The following CLIP1 variants were observed in gnomAD, a reference collection of about 807,000 sequenced individuals.
CLIP1 encodes CAP-Gly domain-containing linker protein 1.
In CLIP1, 66 loss-of-function variants were observed where a neutral mutation model predicts 161.6. That is an observed-to-expected ratio of 0.41 (90% CI 0.33 to 0.50). The LOEUF is 0.50. CLIP1 is among the 20% of genes least tolerant of loss of function. CLIP1 has a pLI of 0.27. For missense variants in CLIP1, 1,376 were observed against 1,702.0 expected, an observed-to-expected ratio of 0.81 and a Z score of 3.37; for synonymous variants, 598 against 626.2, an observed-to-expected ratio of 0.96 and a Z score of 0.67.
At chr12:122,350,030 T>G (rs749316911) in intron 9 of CLIP1, among the ~76,000 whole-genome samples, 6 of 151,688 alleles carry the variant, frequency 4.0e-5, no homozygotes, top group African/African-American at 1.5e-4. Flanking sequence ...TCAGCCTCCC[T>G]AGTAGCTGGG....
At chr12:122,406,577 A>G in intron 1 of CLIP1, among the ~76,000 whole-genome samples, 1 of 152,230 alleles carries the variant, frequency 6.6e-6, no homozygotes, top group Non-Finnish European at 1.5e-5. Context: ...AGACACTGAC[A>G]GTAAATACAA....
intron 21 of CLIP1, among the ~76,000 whole-genome samples, chr12:122,286,652 T>TA (rs1566077167): frequency 6.7e-6 from 1 of 150,370 alleles, no homozygotes; most frequent in Admixed American, 6.7e-5. Context: ...TTTCTAAATT[T>TA]AAAAAAAGGA....
chr12:122,288,483 G>T lies in CLIP1; in HGVS notation c.3647+6C>A. On this transcript the variant is annotated splice_donor_region_variant and intron_variant, in intron 21 of 25. Coordinates refer to ENST00000620786, the MANE Select transcript of CLIP1 (RefSeq NM_001247997.2). Reference sequence around the variant, plus strand: ...ACACACATACAACAATAAACAGAAAGCTTACCTTTTTTTCATTTCTAACAA... The same window carrying T: ...ACACACATACAACAATAAACAGAAATCTTACCTTTTTTTCATTTCTAACAA... 2 of 1,604,960 alleles carry T rather than the reference G, an allele frequency of 1.2e-6. No homozygotes were observed.
At chr12:122,394,981 A>T (rs1955854752) in intron 1 of CLIP1, among the ~76,000 whole-genome samples, 2 of 152,240 alleles carry the variant, frequency 1.3e-5, no homozygotes, top group African/African-American at 4.8e-5. Flanking sequence ...AAACAGCACA[A>T]GGCAAAATAA....
At chr12:122,411,223 C>T (rs1956519987) in intron 1 of CLIP1, among the ~76,000 whole-genome samples, 1 of 152,004 alleles carries the variant, frequency 6.6e-6, no homozygotes, top group Non-Finnish European at 1.5e-5. Flanking sequence ...TGAGACAAGC[C>T]CAGGCAACAT....
At chr12:122,364,684 C>T (rs2136628284) in intron 3 of CLIP1, 2 of 468,422 alleles carry the variant, frequency 4.3e-6, no homozygotes, top group South Asian at 1.6e-5. Context: ...GGATTACAGG[C>T]GTGAGCCACC....
chr12:122,327,657 G>A (rs1175665337), intron 17 of CLIP1, among the ~76,000 whole-genome samples: 3 of 151,744 alleles, frequency 2.0e-5, no homozygotes, highest in South Asian at 2.1e-4. Flanking sequence ...CTCAGGCAAC[G>A]AAAGAACCTT....
chr12:122,337,448 A>C (rs1218242122), intron 11 of CLIP1, among the ~76,000 whole-genome samples: 1 of 69,700 alleles, frequency 1.4e-5, no homozygotes, highest in African/African-American at 6.7e-5. Flanking sequence ...TCTGCCTCAA[A>C]AAAAAAAAAA....
intron 20 of CLIP1, among the ~76,000 whole-genome samples, chr12:122,294,656 A>C (rs2136351805): frequency 6.6e-6 from 1 of 152,216 alleles, no homozygotes; most frequent in South Asian, 2.1e-4. Flanking sequence ...CTAGCTACTC[A>C]GGAGGCTGAA....
At position 122,355,005 on chromosome 12, in the gene CLIP1, T is replaced by A. The variant is rs1953259340; in HGVS notation, c.1203+110A>T. On this transcript the variant is annotated intron_variant, in intron 6 of 25. Transcript: ENST00000620786. This position sits in a 1 kb window ranked among gnomAD's most constrained non-coding sequence, Gnocchi z 4.1. ...GCACAGCAAAGAAATGTACACCCAT[T>A]TCTTGTGCTCTCAAGTCTAGCTCCT... The A allele has an allele frequency of 7.5e-6, 7 of 929,524 alleles. No homozygotes were observed. The highest frequency in any genetic ancestry group is 1.0e-5 in the Non-Finnish European group (6 of 597,070). 57.6% of individuals were successfully genotyped at this position (929,524 alleles called of 1,614,324 possible).
chr12:122,341,762 C>CCTTTTTTTTTTTTTTTTTTTTTTTTTT (rs1566143047), intron 10 of CLIP1, 65 bp from the exon 11 acceptor site: 3 of 96,018 alleles, frequency 3.1e-5, no homozygotes, highest in Non-Finnish European at 4.3e-5. Context: ...ATTTTCTTTT[C>CCTTTTTTTTTTTTTTTTTTTTTTTTTT]TTTTTTTTTT....
At chr12:122,397,991 GTT>G (rs939087029) in intron 1 of CLIP1, among the ~76,000 whole-genome samples, 5 of 151,528 alleles carry the variant, frequency 3.3e-5, no homozygotes, top group African/African-American at 9.7e-5. Flanking sequence ...TAACTTATCA[GTT>G]TCAGCCACTG....
intron 7 of CLIP1, among the ~76,000 whole-genome samples, chr12:122,353,489 C>T (rs1029108628): frequency 1.4e-4 from 21 of 152,146 alleles, no homozygotes; most frequent in African/African-American, 4.3e-4. Flanking sequence ...TTGGCATGTG[C>T]CTGTGTCCTA....
At chr12:122,409,751 C>T (rs985752294) in intron 1 of CLIP1, among the ~76,000 whole-genome samples, 6 of 151,650 alleles carry the variant, frequency 4.0e-5, no homozygotes, top group Non-Finnish European at 8.8e-5. Flanking sequence ...AGGCTGGTCT[C>T]GAACTCCTGA....
Position 122,341,477 on chromosome 12 carries a change from T to C in CLIP1, c.1727A>G (p.His576Arg), listed in dbSNP as rs780646864. ...HQREITSLKE[H>R]FGAREETHQK... ...ATGAGTTTCTTCCCGGGCTCCAAAA[T>C]GCTCCTTCAGAGAAGTTATTTCTCT... The change falls in exon 11 of 26, where the codon CAT (histidine) becomes CGT (arginine). Residue 576 changes from histidine to arginine, a missense_variant. Physicochemically the swap from His to Arg is conservative, Grantham distance 29. Around this residue, in one of 6 missense-constraint regions of CLIP1, gnomAD observed 948 missense variants for 1,134.8 expected, o/e 0.84. Transcript: ENST00000620786. 8.7e-6 allele frequency: 14 copies of C among 1,613,342 alleles called. No individual in the cohort carries two copies. In the Admixed American group the frequency reaches 1.8e-4, roughly 21 times the overall value.
intron 1 of CLIP1, among the ~76,000 whole-genome samples, chr12:122,415,109 T>C (rs1335412968): frequency 1.3e-5 from 2 of 151,978 alleles, no homozygotes; most frequent in African/African-American, 4.8e-5. Context: ...ACGCTGTTAA[T>C]AGTTTAAAGC....
At chr12:122,389,750 T>C (rs10846764) in intron 1 of CLIP1, among the ~76,000 whole-genome samples, 29,330 of 66,502 alleles carry the variant, frequency 0.44, 3,637 homozygotes, top group Middle Eastern at 0.58. Flanking sequence ...CAGAATGAGA[T>C]CCTGTCTCAA....
rs367628058 is a variant in CLIP1, at chr12:122,301,232, T to C, written c.3594+8530A>G. 3.9e-5 allele frequency among the ~76,000 whole-genome samples: 6 copies of C among 152,356 alleles called. No homozygotes were observed. In the East Asian group the frequency reaches 7.7e-4, roughly 20 times the overall value. The stretch of plus-strand genomic sequence containing the variant: ...CTGAACAGGAATAGGGTCTGTACGT[T>C]AGGTAATACTGTTGTATCGAGGTTA... On this transcript the variant is annotated intron_variant, in intron 20 of 25. Coordinates refer to ENST00000620786, the MANE Select transcript of CLIP1 (RefSeq NM_001247997.2).
intron 3 of CLIP1, among the ~76,000 whole-genome samples, chr12:122,376,216 A>T (rs1954722086): frequency 6.6e-6 from 1 of 151,972 alleles, no homozygotes; most frequent in African/African-American, 2.4e-5. Context: ...GGATTACAGG[A>T]ATGAGCCACC....
Sources: gnomAD v4.1 joint callset for allele counts (sites outside exome capture counted in the v4.1 genomes callset) on GRCh38, gnomAD v4.1.1 for gene constraint, gnomAD v4.1.1 regional missense constraint, Gnocchi (gnomAD v3.1) non-coding constraint, MANE v1.5 for transcripts, NCBI Gene and HGNC (gene_info 2026-07-23, HGNC 2026-07-21) for gene names.